VWC2: variants seen among roughly 807,000 people sequenced by gnomAD.
VWC2 encodes brorin.
A neutral mutation model predicts 29.8 loss-of-function variants in VWC2; 14 were observed. That is an observed-to-expected ratio of 0.47 (90% CI 0.31 to 0.74). The LOEUF is 0.74. VWC2 is among the 30% of genes least tolerant of loss of function. The pLI is 0.05. For synonymous variants in VWC2, 213 were observed against 199.0 expected (o/e 1.07, Z -0.59); for missense variants, 457 against 459.8 (o/e 0.99, Z 0.05).
chr7:49,912,047 T>A lies in VWC2; in HGVS notation c.840T>A (p.Phe280Leu). The change falls in exon 4 of 4, where the codon TTT becomes TTA. Residue 280 changes from phenylalanine to leucine, a missense_variant. Physicochemically the swap from Phe to Leu is conservative, Grantham distance 22. Around this residue, in one of 2 missense-constraint regions of VWC2, gnomAD observed 185 missense variants for 257.1 expected, o/e 0.72. Transcript: ENST00000340652. The stretch of plus-strand genomic sequence containing the variant: ...TCTGCATTTCAGGTCCAAACTGCTT[T>A]GCAGAAACCGCGGTGATCCCTGCTG... ...CPICKNGPNC[F>L]AETAVIPAGR... 1 of 1,613,808 alleles carries A rather than the reference T, an allele frequency of 6.2e-7. No individual in the cohort carries two copies. The highest frequency in any genetic ancestry group is 8.5e-7 in the Non-Finnish European group (1 of 1,179,878).
At chr7:49,821,007 CT>C (rs1330797572) in intron 3 of VWC2, among the ~76,000 whole-genome samples, 3 of 152,144 alleles carry the variant, frequency 2.0e-5, no homozygotes, top group African/African-American at 7.2e-5. Flanking sequence ...CTGCCCAGCC[CT>C]CCCCGCCCAG....
At chr7:49,869,738 T>C (rs1220210333) in intron 3 of VWC2, among the ~76,000 whole-genome samples, 2 of 152,198 alleles carry the variant, frequency 1.3e-5, no homozygotes, top group African/African-American at 2.4e-5. Flanking sequence ...CTTAAATCTA[T>C]GTCTACACTA....
chr7:49,898,410 G>A (rs1295510185), intron 3 of VWC2, among the ~76,000 whole-genome samples: 2 of 150,398 alleles, frequency 1.3e-5, no homozygotes, highest in East Asian at 1.9e-4. Context: ...TTTCTTTCTC[G>A]CTAAAGAACT....
chr7:49,902,777 A>T (rs1347526830), intron 3 of VWC2, among the ~76,000 whole-genome samples: 1 of 152,066 alleles, frequency 6.6e-6, no homozygotes, highest in African/African-American at 2.4e-5. Context: ...GAAATATAAA[A>T]TTTTTTTGAA....
intron 3 of VWC2, among the ~76,000 whole-genome samples, chr7:49,877,628 G>A (rs1791495073): frequency 6.8e-6 from 1 of 146,854 alleles, no homozygotes; most frequent in Non-Finnish European, 1.5e-5. Flanking sequence ...GTCTGTAAAT[G>A]CTGTGATTTA....
chr7:49,811,201 A>T (rs1788997477), intron 3 of VWC2, among the ~76,000 whole-genome samples: 1 of 152,202 alleles, frequency 6.6e-6, no homozygotes. Flanking sequence ...CAAAGGATTG[A>T]AAGACAGTTC....
intron 3 of VWC2, among the ~76,000 whole-genome samples, chr7:49,822,279 G>A (rs1253908437): frequency 6.6e-6 from 1 of 152,056 alleles, no homozygotes; most frequent in African/African-American, 2.4e-5. Context: ...ATCACGTAGT[G>A]TTTTTAGTTT....
intron 2 of VWC2, among the ~76,000 whole-genome samples, chr7:49,778,377 A>G (rs1413096316): frequency 2.6e-5 from 4 of 152,184 alleles, no homozygotes; most frequent in Non-Finnish European, 5.9e-5. Flanking sequence ...TTCATTCTAA[A>G]CTTTCATCAT....
chr7:49,877,328 G>A (rs1209258178), intron 3 of VWC2, among the ~76,000 whole-genome samples: 3 of 149,926 alleles, frequency 2.0e-5, no homozygotes, highest in African/African-American at 7.4e-5. Context: ...TGGGCGTGGT[G>A]GCAGACGCCT....
chr7:49,858,009 A>T (rs1790491835), intron 3 of VWC2, among the ~76,000 whole-genome samples: 1 of 152,174 alleles, frequency 6.6e-6, no homozygotes, highest in Non-Finnish European at 1.5e-5. Context: ...GTTCCCCTGT[A>T]ACCTCGTGTC....
chr7:49,912,330 C>G lies in VWC2; in HGVS notation c.*145C>G. ...TTGGTACTTTTCCTTTTCTTGATAA[C>G]AGTTACTACAACAGAAGGAAATGGA... is the stretch of plus-strand genomic sequence containing the variant. On this transcript the variant is annotated 3_prime_UTR_variant, in exon 4 of 4. Coordinates refer to ENST00000340652, the MANE Select transcript of VWC2 (RefSeq NM_198570.5). 1 of 762,994 alleles carries G rather than the reference C, an allele frequency of 1.3e-6. No homozygotes were observed. The allele number at this position is 762,994 out of a possible 1,614,324, so 47.3% of individuals were successfully genotyped here. A position where few individuals can be genotyped will look rare whatever the true frequency, so the allele number is the denominator to read the frequency against.
At chr7:49,858,814 TTA>T (rs1451190924) in intron 3 of VWC2, among the ~76,000 whole-genome samples, 1 of 152,234 alleles carries the variant, frequency 6.6e-6, no homozygotes, top group Non-Finnish European at 1.5e-5. Context: ...TACTTATTTT[TTA>T]TGTTTATAAA....
At chr7:49,797,481 G>T (rs960563849) in intron 2 of VWC2, among the ~76,000 whole-genome samples, 1 of 152,208 alleles carries the variant, frequency 6.6e-6, no homozygotes, top group Non-Finnish European at 1.5e-5. Flanking sequence ...CTCAGATCCT[G>T]TTTAACTGCT....
intron 3 of VWC2, among the ~76,000 whole-genome samples, chr7:49,808,901 A>G (rs1788934367): frequency 6.6e-6 from 1 of 152,054 alleles, no homozygotes. Context: ...AAGGAAATGT[A>G]TAGATTTAAA....
chr7:49,830,022 G>A (rs1432347589), intron 3 of VWC2, among the ~76,000 whole-genome samples: 1 of 152,206 alleles, frequency 6.6e-6, no homozygotes, highest in Admixed American at 6.5e-5. Flanking sequence ...TCATGGGACT[G>A]TGTTTACAGA....
At chr7:49,793,014 C>T (rs1583630783) in intron 2 of VWC2, among the ~76,000 whole-genome samples, 1 of 152,204 alleles carries the variant, frequency 6.6e-6, no homozygotes, top group African/African-American at 2.4e-5. Context: ...CTGGCAGCTG[C>T]TCCCAGAGGC....
rs1451362970 is a variant in VWC2 at position 49,775,413 on chromosome 7, C to A, written c.-23C>A. ...CCCTCGGCCGCGCTCCCCGCCCGCCCGCCCGCCGGGACGTGGTAGGGGATG... is the reference window on the plus strand; with the variant it reads ...CCCTCGGCCGCGCTCCCCGCCCGCCAGCCCGCCGGGACGTGGTAGGGGATG... On this transcript the variant is annotated 5_prime_UTR_variant, in exon 2 of 4. Coordinates refer to ENST00000340652, the MANE Select transcript of VWC2 (RefSeq NM_198570.5). 3.5e-5 allele frequency: 46 copies of A among 1,297,416 alleles called. 1 individual carries two copies. Among genetic ancestry groups the A allele is most frequent in the Non-Finnish European group, 4.4e-5 (44 of 1,010,908 alleles). 80.4% of individuals were successfully genotyped at this position (1,297,416 alleles called of 1,614,324 possible).
rs1310062452 is a variant in VWC2, at chr7:49,888,950, G to C, written c.827-23084G>C. ...ACAAAAACAAAAAAAAACAAAAGAA[G>C]TGTACCTCAGCAGACATATGGAGGA... On this transcript the variant is annotated intron_variant, in intron 3 of 3. Coordinates refer to ENST00000340652, the MANE Select transcript of VWC2 (RefSeq NM_198570.5). Among the ~76,000 whole-genome samples, 7 of 152,070 alleles carry C rather than the reference G, an allele frequency of 4.6e-5. No individual in the cohort carries two copies. In the East Asian group the frequency reaches 1.4e-3, roughly 29 times the overall value.
intron 3 of VWC2, among the ~76,000 whole-genome samples, chr7:49,843,176 ACTT>A (rs1191097190): frequency 6.6e-6 from 1 of 152,140 alleles, no homozygotes; most frequent in Non-Finnish European, 1.5e-5. Flanking sequence ...TTTTCTGTGA[ACTT>A]CTTGCTTACT....
Sources: allele counts gnomAD v4.1 joint callset (sites outside exome capture counted in the v4.1 genomes callset), GRCh38; gene constraint gnomAD v4.1.1; regional missense constraint gnomAD v4.1.1; transcripts MANE v1.5; gene names NCBI Gene and HGNC (gene_info 2026-07-23, HGNC 2026-07-21).